TOX3: variants seen among roughly 807,000 people sequenced by gnomAD.
TOX3 encodes the protein CAG trinucleotide repeat-containing gene F9 protein.
Under a neutral mutation model 64.3 loss-of-function variants are expected in TOX3, and 22 were observed. That is an observed-to-expected ratio of 0.34 (90% CI 0.24 to 0.49). The LOEUF (loss-of-function observed/expected upper bound fraction) is 0.49, where lower values mean the gene tolerates loss of function less well. Ranked by LOEUF, TOX3 falls within the 20% of genes least tolerant of loss-of-function variation. The pLI, the probability that TOX3 is intolerant of heterozygous loss-of-function variation, is 0.99. For synonymous variants in TOX3, 291 were observed against 273.6 expected (o/e 1.06, Z -0.63); for missense variants, 661 against 714.4 (o/e 0.93, Z 0.85).
intron 1 of TOX3, among the ~76,000 whole-genome samples, chr16:52,507,961 T>A (rs1445298113): frequency 6.6e-6 from 1 of 152,228 alleles, no homozygotes; most frequent in African/African-American, 2.4e-5. Flanking sequence ...AGCTGTGATG[T>A]TTGCACAACT....
At position 52,444,366 on chromosome 16, in the gene TOX3, G is replaced by T; in HGVS notation, c.907-10C>A. ...TTTTCCTTTTATATACCTATTAAAA[G>T]ACCACAATTAGCACCACCTTTAGCG... On this transcript the variant is annotated splice_polypyrimidine_tract_variant and intron_variant, in intron 5 of 6. Transcript: ENST00000219746. The T allele has an allele frequency of 1.9e-6, 3 of 1,555,756 alleles. No homozygotes were observed. The highest frequency in any genetic ancestry group is 1.2e-5 in the South Asian group (1 of 83,886).
intron 1 of TOX3, among the ~76,000 whole-genome samples, chr16:52,495,943 C>G (rs1385151315): frequency 6.6e-6 from 1 of 152,132 alleles, no homozygotes; most frequent in Non-Finnish European, 1.5e-5. Flanking sequence ...TCAAATATTA[C>G]CATCATGAAC....
chr16:52,530,717 T>C (rs767869197), intron 1 of TOX3, among the ~76,000 whole-genome samples: 40 of 152,202 alleles, frequency 2.6e-4, no homozygotes, highest in Middle Eastern at 6.8e-3. Context: ...TGAATGGTCT[T>C]TCTCCCTGAT....
intron 3 of TOX3, among the ~76,000 whole-genome samples, chr16:52,453,317 G>A (rs764181253): frequency 6.6e-6 from 1 of 151,786 alleles, no homozygotes; most frequent in Non-Finnish European, 1.5e-5. Context: ...CTGAGTAGCT[G>A]AAATTACAGG....
chr16:52,484,708 C>T (rs1961461243), intron 1 of TOX3, among the ~76,000 whole-genome samples: 1 of 151,912 alleles, frequency 6.6e-6, no homozygotes, highest in Non-Finnish European at 1.5e-5. Context: ...AGATAACAGT[C>T]AAATAACTAC....
At chr16:52,480,116 C>T (rs1219800340) in intron 1 of TOX3, among the ~76,000 whole-genome samples, 1 of 152,160 alleles carries the variant, frequency 6.6e-6, no homozygotes, top group African/African-American at 2.4e-5. Flanking sequence ...ACACCAGGGC[C>T]AGGCACACGA....
At position 52,547,006 on chromosome 16, in the gene TOX3, C is replaced by T; in HGVS notation, c.-283G>A. 1.0e-6 allele frequency: 1 copy of T among 953,376 alleles called. No homozygotes were observed. Among genetic ancestry groups the T allele is most frequent in the Non-Finnish European group, 1.2e-6 (1 of 803,446 alleles). 59.1% of individuals were successfully genotyped at this position (953,376 alleles called of 1,614,324 possible). A position where few individuals can be genotyped will look rare whatever the true frequency, so the allele number is the denominator to read the frequency against. On this transcript the variant is annotated 5_prime_UTR_variant, in exon 1 of 7. Transcript: ENST00000219746. ...GCGCGCGGGCCGGGCGCCGGGGGCG[C>T]GGGGCGCGGCGCTGGGGCCCGGGTC...
At chr16:52,483,564 GT>G (rs11304815) in intron 1 of TOX3, among the ~76,000 whole-genome samples, 331 of 99,444 alleles carry the variant, frequency 3.3e-3, no homozygotes, top group African/African-American at 0.011. Context: ...GGGCAGTTTG[GT>G]TTTTTTTTTT....
chr16:52,530,547 T>C (rs1400896470), intron 1 of TOX3, among the ~76,000 whole-genome samples: 1 of 152,092 alleles, frequency 6.6e-6, no homozygotes, highest in African/African-American at 2.4e-5. Flanking sequence ...ATGTTGGTCA[T>C]GGTTGGCCAG....
intron 1 of TOX3, among the ~76,000 whole-genome samples, chr16:52,537,878 T>TACAA (rs1962989826): frequency 9.0e-6 from 1 of 111,040 alleles, no homozygotes; most frequent in Non-Finnish European, 1.9e-5. Flanking sequence ...GCTGATATGA[T>TACAA]AAAAAAAAAA....
At chr16:52,445,217 A>G (rs1288980160) in intron 5 of TOX3, 9 of 152,252 alleles carry the variant, frequency 5.9e-5, no homozygotes, top group Admixed American at 5.9e-4. Context: ...AAATAAGTTC[A>G]TGATTTGTAA....
chr16:52,518,086 T>C (rs1308881446), intron 1 of TOX3, among the ~76,000 whole-genome samples: 3 of 152,200 alleles, frequency 2.0e-5, no homozygotes, highest in Non-Finnish European at 1.5e-5. Context: ...TTTTCAAATA[T>C]TGCTAAATAT....
intron 1 of TOX3, among the ~76,000 whole-genome samples, chr16:52,469,679 G>T (rs1014003058): frequency 9.9e-5 from 15 of 151,996 alleles, no homozygotes; most frequent in Admixed American, 3.9e-4. Context: ...GAGATAAATG[G>T]GTAGGTACAT....
intron 1 of TOX3, among the ~76,000 whole-genome samples, chr16:52,513,100 G>A (rs1026109571): frequency 1.3e-5 from 2 of 152,128 alleles, no homozygotes; most frequent in African/African-American, 2.4e-5. Flanking sequence ...TCTTTGGGGA[G>A]CTTAAGAAAA....
At chr16:52,498,796 G>T (rs745851323) in intron 1 of TOX3, among the ~76,000 whole-genome samples, 4 of 152,212 alleles carry the variant, frequency 2.6e-5, no homozygotes, top group Non-Finnish European at 4.4e-5. Flanking sequence ...CATCGCCACG[G>T]TGGCAGGGAA....
At chr16:52,529,068 C>T (rs748894729) in intron 1 of TOX3, among the ~76,000 whole-genome samples, 1 of 152,142 alleles carries the variant, frequency 6.6e-6, no homozygotes, top group Non-Finnish European at 1.5e-5. Flanking sequence ...GCACAGTCTT[C>T]GGGTAAAATC....
chr16:52,534,951 G>A (rs1962918777), intron 1 of TOX3, among the ~76,000 whole-genome samples: 1 of 152,082 alleles, frequency 6.6e-6, no homozygotes, highest in Non-Finnish European at 1.5e-5. Flanking sequence ...TGTGGTTCTT[G>A]CAAAGAACAT....
chr16:52,522,867 A>G (rs1288119588), intron 1 of TOX3, among the ~76,000 whole-genome samples: 1 of 152,170 alleles, frequency 6.6e-6, no homozygotes, highest in African/African-American at 2.4e-5. Context: ...CTCAAAACAC[A>G]CTTTCCTTCA....
At chr16:52,506,979 C>CA (rs1234174163) in intron 1 of TOX3, among the ~76,000 whole-genome samples, 3 of 152,108 alleles carry the variant, frequency 2.0e-5, no homozygotes, top group African/African-American at 2.4e-5. Flanking sequence ...GAATTCTGCT[C>CA]AAACAGTTCA....
Sources: allele counts gnomAD v4.1 joint callset (sites outside exome capture counted in the v4.1 genomes callset), GRCh38; gene constraint gnomAD v4.1.1; transcripts MANE v1.5; gene names NCBI Gene and HGNC (gene_info 2026-07-23, HGNC 2026-07-21).